CERS6: variants seen among roughly 807,000 people sequenced by gnomAD.
CERS6 encodes the protein LAG1 homolog, ceramide synthase 6.
In CERS6, 26 loss-of-function variants were observed where a neutral mutation model predicts 56.8. The ratio of observed to expected loss-of-function variants is 0.46; its 90% CI spans 0.34 to 0.63. The LOEUF is 0.63. Ranked by LOEUF, CERS6 falls within the 30% of genes least tolerant of loss-of-function variation. The pLI, the probability that CERS6 is intolerant of heterozygous loss-of-function variation, is 0.01. For missense variants in CERS6, 415 were observed against 467.5 expected (o/e 0.89, Z 1.04); for synonymous variants, 164 against 173.3 (o/e 0.95, Z 0.42).
At chr2:168,499,007 C>T (rs1476543231) in intron 1 of CERS6, among the ~76,000 whole-genome samples, 1 of 152,078 alleles carries the variant, frequency 6.6e-6, no homozygotes, top group African/African-American at 2.4e-5. Context: ...AGGGTGGTGG[C>T]TTAGCATTTT....
chr2:168,546,942 G>A (rs890395245), intron 1 of CERS6, among the ~76,000 whole-genome samples: 8 of 152,136 alleles, frequency 5.3e-5, no homozygotes, highest in South Asian at 2.1e-4. Context: ...TCCTCTTGAC[G>A]TAGGCATTGG....
chr2:168,612,294 A>C (rs1429789308), intron 3 of CERS6, among the ~76,000 whole-genome samples: 1 of 152,228 alleles, frequency 6.6e-6, no homozygotes, highest in African/African-American at 2.4e-5. Flanking sequence ...TAAGACACAG[A>C]TCTTTCACTC....
chr2:168,748,363 CT>C lies in CERS6; in HGVS notation c.846-17227del, dbSNP rs531474878. Among the ~76,000 whole-genome samples the C allele has an allele frequency of 1.8e-3, 279 of 152,246 alleles. 1 individual carries two copies. The highest frequency in any genetic ancestry group is 3.4e-3 in the Middle Eastern group (1 of 294). ...AACTGGTGGAAACACAAGAGAGTGC[CT>C]TGTCCTGTTAGTTAAATAATTTTTT... On this transcript the variant is annotated intron_variant, in intron 8 of 9. Transcript: ENST00000305747.
chr2:168,616,323 A>C (rs1684316204), intron 3 of CERS6, among the ~76,000 whole-genome samples: 1 of 152,182 alleles, frequency 6.6e-6, no homozygotes, highest in South Asian at 2.1e-4. Flanking sequence ...TAGGAAAAAA[A>C]AATAAAAATC....
intron 1 of CERS6, among the ~76,000 whole-genome samples, chr2:168,518,514 G>C (rs534217040): frequency 2.6e-5 from 4 of 152,136 alleles, no homozygotes; most frequent in Non-Finnish European, 4.4e-5. Flanking sequence ...GTATATGTTT[G>C]TCTTCTTCTC....
chr2:168,752,219 A>G (rs932022237), intron 8 of CERS6, among the ~76,000 whole-genome samples: 1 of 151,380 alleles, frequency 6.6e-6, no homozygotes, highest in African/African-American at 2.4e-5. Context: ...CAGTAGGATC[A>G]TTTGAGCCCA....
intron 1 of CERS6, among the ~76,000 whole-genome samples, chr2:168,474,480 G>T (rs1467679835): frequency 2.0e-5 from 3 of 152,138 alleles, no homozygotes; most frequent in Non-Finnish European, 4.4e-5. Flanking sequence ...TGCATTCCTC[G>T]TGTCCTCCCA....
At position 168,761,174 on chromosome 2, in the gene CERS6, A is replaced by G. The variant is rs569866190; in HGVS notation, c.846-4418A>G. Among the ~76,000 whole-genome samples the G allele has an allele frequency of 1.4e-4, 21 of 152,188 alleles. No homozygotes were observed. In the South Asian group the frequency reaches 4.2e-3, roughly 30 times the overall value. On this transcript the variant is annotated intron_variant, in intron 8 of 9. Coordinates refer to ENST00000305747, the MANE Select transcript of CERS6 (RefSeq NM_203463.3). ...ACTGAGAGATATATCCGTTTGGTGCACTGATTGTATTTTCTCAAGTGTCTC... is the reference window on the plus strand; with the variant it reads ...ACTGAGAGATATATCCGTTTGGTGCGCTGATTGTATTTTCTCAAGTGTCTC...
chr2:168,474,472 C>G (rs1694033134), intron 1 of CERS6, among the ~76,000 whole-genome samples: 1 of 152,176 alleles, frequency 6.6e-6, no homozygotes, highest in African/African-American at 2.4e-5. Flanking sequence ...TGAGGAAATG[C>G]ATTCCTCGTG....
intron 3 of CERS6, among the ~76,000 whole-genome samples, chr2:168,604,689 C>T (rs759708900): frequency 3.9e-5 from 6 of 152,026 alleles, no homozygotes; most frequent in Non-Finnish European, 5.9e-5. Flanking sequence ...GTATGTGGCA[C>T]CTCCCCTCTC....
intron 8 of CERS6, among the ~76,000 whole-genome samples, chr2:168,763,995 C>G (rs1032550891): frequency 6.6e-6 from 1 of 152,104 alleles, no homozygotes; most frequent in South Asian, 2.1e-4. Flanking sequence ...CTAAAACCAG[C>G]CTTTTATGTA....
At chr2:168,720,796 A>G (rs1180758647) in intron 8 of CERS6, among the ~76,000 whole-genome samples, 1 of 152,236 alleles carries the variant, frequency 6.6e-6, no homozygotes, top group Admixed American at 6.5e-5. Flanking sequence ...GGAAATGAGT[A>G]AGAAAAAAAG....
chr2:168,622,102 A>G (rs910066436), intron 3 of CERS6, among the ~76,000 whole-genome samples: 1 of 152,214 alleles, frequency 6.6e-6, no homozygotes, highest in African/African-American at 2.4e-5. Flanking sequence ...GTAATATTTG[A>G]TGCTGTTTTA....
intron 1 of CERS6, among the ~76,000 whole-genome samples, chr2:168,458,970 A>T (rs75283930): frequency 6.6e-6 from 1 of 152,176 alleles, no homozygotes; most frequent in Admixed American, 6.5e-5. Flanking sequence ...AAACAGAACC[A>T]TTCAGTATTA....
intron 3 of CERS6, among the ~76,000 whole-genome samples, chr2:168,579,855 TC>T: frequency 6.6e-6 from 1 of 152,166 alleles, no homozygotes. Context: ...CTGGGCTCGT[TC>T]CTGCCTCTTG....
At chr2:168,477,290 A>G (rs997977984) in intron 1 of CERS6, among the ~76,000 whole-genome samples, 15 of 151,230 alleles carry the variant, frequency 9.9e-5, no homozygotes, top group Admixed American at 4.6e-4. Context: ...CCTACACCCT[A>G]GTTCCATCAC....
At chr2:168,734,033 T>C (rs1404600343) in intron 8 of CERS6, among the ~76,000 whole-genome samples, 8 of 152,128 alleles carry the variant, frequency 5.3e-5, no homozygotes, top group African/African-American at 1.9e-4. Context: ...AATGGGAGAA[T>C]TGGAATAAAT....
chr2:168,462,490 T>C (rs1196295141), intron 1 of CERS6, among the ~76,000 whole-genome samples: 1 of 152,222 alleles, frequency 6.6e-6, no homozygotes, highest in African/African-American at 2.4e-5. Context: ...GACACCATAA[T>C]CTTTATTGAC....
intron 1 of CERS6, among the ~76,000 whole-genome samples, chr2:168,502,788 G>T (rs890245087): frequency 2.0e-5 from 3 of 152,194 alleles, no homozygotes; most frequent in Non-Finnish European, 2.9e-5. Flanking sequence ...CCCTGGCATG[G>T]GGCCTGATTC....
Sources: gnomAD v4.1 joint callset for allele counts (sites outside exome capture counted in the v4.1 genomes callset) on GRCh38, gnomAD v4.1.1 for gene constraint, MANE v1.5 for transcripts, NCBI Gene and HGNC (gene_info 2026-07-23, HGNC 2026-07-21) for gene names.